NBR1: variants seen among roughly 807,000 people sequenced by gnomAD.
NBR1 encodes the protein next to BRCA1 gene 1 protein.
Under a neutral mutation model 115.5 loss-of-function variants are expected in NBR1, and 59 were observed. The observed-to-expected ratio is 0.51, with a 90% CI of 0.41 to 0.63. The LOEUF (loss-of-function observed/expected upper bound fraction) is 0.63. NBR1 is among the 30% of genes least tolerant of loss of function. The pLI is 0.00. For missense variants in NBR1, 1,043 were observed against 1,150.5 expected (o/e 0.91, Z 1.35); for synonymous variants, 373 against 414.7 (o/e 0.90, Z 1.22).
At chr17:43,188,480 A>C (rs1264181048) in intron 6 of NBR1, among the ~76,000 whole-genome samples, 1 of 152,086 alleles carries the variant, frequency 6.6e-6, no homozygotes, top group Non-Finnish European at 1.5e-5. Context: ...TCCCATTGTC[A>C]ATTTTGGCTT....
chr17:43,189,472 T>G, intron 7 of NBR1, 116 bp from the exon 8 acceptor site: 3 of 699,978 alleles, frequency 4.3e-6, no homozygotes, highest in Non-Finnish European at 2.5e-6. Flanking sequence ...TAGCAGTTGT[T>G]TATTGTGTTT....
intron 2 of NBR1, among the ~76,000 whole-genome samples, chr17:43,177,183 G>T (rs990320131): frequency 6.8e-6 from 1 of 148,032 alleles, no homozygotes; most frequent in Non-Finnish European, 1.5e-5. Flanking sequence ...TGAGGTGGGC[G>T]AATTGCTTGA....
chr17:43,184,056 A>G (rs950611603), intron 5 of NBR1, among the ~76,000 whole-genome samples: 1 of 150,292 alleles, frequency 6.7e-6, no homozygotes, highest in Non-Finnish European at 1.5e-5. Context: ...TTGAGACGGG[A>G]TCTCACTGTC....
At chr17:43,194,000 T>C (rs2057010335) in intron 12 of NBR1, among the ~76,000 whole-genome samples, 2 of 152,210 alleles carry the variant, frequency 1.3e-5, no homozygotes, top group Admixed American at 1.3e-4. Context: ...CTGTGTATGT[T>C]CCCTAAATAC....
At chr17:43,209,845 C>A in intron 20 of NBR1, 56 bp from the exon 21 acceptor site, 1 of 1,460,126 alleles carries the variant, frequency 6.8e-7, no homozygotes, top group Non-Finnish European at 9.0e-7. Flanking sequence ...ATAAAATAAA[C>A]ATTTAAATTA....
intron 20 of NBR1, among the ~76,000 whole-genome samples, chr17:43,206,420 G>A (rs2057319306): frequency 6.6e-6 from 1 of 152,164 alleles, no homozygotes. Context: ...CACTTTGGGA[G>A]GCCGAGGCGG....
At chr17:43,194,770 C>T (rs1271353161) in intron 13 of NBR1, 194 bp from the exon 14 acceptor site, 2 of 623,528 alleles carry the variant, frequency 3.2e-6, no homozygotes, top group African/African-American at 3.7e-5. Flanking sequence ...ATACCTGCTG[C>T]ATTTTCTCTT....
At chr17:43,186,202 A>G (rs1425518601) in intron 5 of NBR1, 48 bp from the exon 6 acceptor site, 28 of 1,460,878 alleles carry the variant, frequency 1.9e-5, no homozygotes, top group Non-Finnish European at 2.6e-5. Flanking sequence ...GTTATTTAGG[A>G]GAAGATAATC....
intron 10 of NBR1, among the ~76,000 whole-genome samples, chr17:43,192,390 C>T (rs1394969774): frequency 2.0e-5 from 3 of 149,940 alleles, no homozygotes; most frequent in African/African-American, 7.4e-5. Context: ...GAGACGGAGT[C>T]TTGGAGTCTC....
chr17:43,211,262 A>AAAATGCT lies in NBR1; in HGVS notation c.*1193_*1199dup, dbSNP rs2057410679. ...CAGTTGGTGAAGGAAGAGGTAACAAAAAATGCTAAATATTTTATCCATGAA... is the reference window on the plus strand; with the variant it reads ...CAGTTGGTGAAGGAAGAGGTAACAAAAAATGCTAAATGCTAAATATTTTATCCATGAA... On this transcript the variant is annotated 3_prime_UTR_variant, in exon 21 of 21. Transcript: ENST00000590996. The AAAATGCT allele has an allele frequency of 6.5e-6, 1 of 152,766 alleles. No individual in the cohort carries two copies. Among genetic ancestry groups the AAAATGCT allele is most frequent in the African/African-American group, 2.4e-5 (1 of 41,458 alleles). The allele number at this position is 152,766 out of a possible 1,614,324, so 9.5% of individuals were successfully genotyped here. A position where few individuals can be genotyped will look rare whatever the true frequency, so the allele number is the denominator to read the frequency against.
chr17:43,181,166 C>T (rs1242987635), intron 5 of NBR1, among the ~76,000 whole-genome samples: 1 of 152,222 alleles, frequency 6.6e-6, no homozygotes, highest in Non-Finnish European at 1.5e-5. Context: ...GCCACTGCGT[C>T]TGGCCTAAAA....
At chr17:43,191,246 C>T in intron 9 of NBR1, 126 bp from the exon 10 acceptor site, 1 of 695,284 alleles carries the variant, frequency 1.4e-6, no homozygotes, top group Non-Finnish European at 2.5e-6. Flanking sequence ...AGAGTGAGAC[C>T]CTAATTCTAA....
Position 43,193,422 on chromosome 17 carries a change from C to G in NBR1, c.1308C>G (p.Ala436=), listed in dbSNP as rs148320569. The change falls in exon 12 of 21, where the codon GCC becomes GCG. Residue 436 remains alanine (A), a synonymous_variant. Transcript: ENST00000590996. ...ATGTTTTGGTTCCCTGCCTCAAGGC[C>G]GGCCATGTGGGAGTTGTATCTGTGG... ...KKDVLVPCLK[A]GHVGVVSVEF... The G allele has an allele frequency of 7.8e-4, 1,252 of 1,613,944 alleles. 5 individuals are homozygous for G. Among genetic ancestry groups the G allele is most frequent in the Middle Eastern group, 9.9e-4 (6 of 6,062 alleles).
At chr17:43,191,769 G>A (rs151094637) in intron 10 of NBR1, among the ~76,000 whole-genome samples, 188 bp downstream of exon 10, 3 of 151,952 alleles carry the variant, frequency 2.0e-5, no homozygotes, top group Non-Finnish European at 2.9e-5. Flanking sequence ...TCACCCAGGC[G>A]GTAGTGCAGT....
chr17:43,185,094 A>T (rs2056768430), intron 5 of NBR1, among the ~76,000 whole-genome samples: 1 of 135,082 alleles, frequency 7.4e-6, no homozygotes, highest in Admixed American at 7.5e-5. Context: ...CCTCAAAAAA[A>T]AGAAAAAAAA....
At chr17:43,191,785 G>A (rs767031192) in intron 10 of NBR1, among the ~76,000 whole-genome samples, 22 of 152,096 alleles carry the variant, frequency 1.4e-4, no homozygotes, top group Non-Finnish European at 2.4e-4. Flanking sequence ...GCAGTGGTGC[G>A]ATCTCGGCTC....
intron 20 of NBR1, among the ~76,000 whole-genome samples, chr17:43,205,659 T>C (rs1277514561): frequency 6.6e-6 from 1 of 151,932 alleles, no homozygotes; most frequent in East Asian, 1.9e-4. Flanking sequence ...GGTCGATTAT[T>C]TGCGTCCAGG....
At position 43,193,425 on chromosome 17, in the gene NBR1, C is replaced by T. The variant is rs2056994645; in HGVS notation, c.1311C>T (p.Gly437=). 6.2e-7 allele frequency: 1 copy of T among 1,613,982 alleles called. No homozygotes were observed. Among genetic ancestry groups the T allele is most frequent in the Non-Finnish European group, 8.5e-7 (1 of 1,179,904 alleles). The part of the protein sequence containing the change: ...KDVLVPCLKA[G]HVGVVSVEFI... ...TTTTGGTTCCCTGCCTCAAGGCCGG[C>T]CATGTGGGAGTTGTATCTGTGGAGT... The change falls in exon 12 of 21, where the codon GGC becomes GGT. Residue 437 remains glycine, a synonymous_variant. Transcript: ENST00000590996.
intron 20 of NBR1, among the ~76,000 whole-genome samples, chr17:43,204,451 C>G (rs1487339753): frequency 6.6e-6 from 1 of 151,638 alleles, no homozygotes; most frequent in African/African-American, 2.4e-5. Flanking sequence ...GGGAGGATTG[C>G]TTGAGCCCAG....
Sources: gnomAD v4.1 joint callset for allele counts (sites outside exome capture counted in the v4.1 genomes callset) on GRCh38, gnomAD v4.1.1 for gene constraint, MANE v1.5 for transcripts, NCBI Gene and HGNC (gene_info 2026-07-23, HGNC 2026-07-21) for gene names.